The following CORO1C variants were observed in gnomAD, a reference collection of about 807,000 sequenced individuals.
CORO1C encodes coronin-1C.
CORO1C carries 14 observed loss-of-function variants against 51.2 expected under a neutral mutation model. The ratio of observed to expected loss-of-function variants is 0.27; its 90% confidence interval spans 0.18 to 0.43. CORO1C has a LOEUF of 0.43. CORO1C is among the 20% of genes least tolerant of loss of function. The pLI, the probability that CORO1C is intolerant of heterozygous loss-of-function variation, is 1.00. For missense variants in CORO1C, 417 were observed against 607.8 expected (o/e 0.69, Z 3.30); for synonymous variants, 181 against 210.5 (o/e 0.86, Z 1.21).
rs2034859821 is a variant in CORO1C, at chr12:108,701,249, A to G, written c.70T>C (p.Tyr24His). 6.2e-7 allele frequency: 1 copy of G among 1,614,204 alleles called. No homozygotes were observed. Among genetic ancestry groups the G allele is most frequent in the Non-Finnish European group, 8.5e-7 (1 of 1,180,016 alleles). ...FGQAVKNDQC[Y>H]DDIRVSRVTW... ...ACACGAGAAACCCGGATGTCATCAT[A>G]GCACTGGTCATTTTTCACCGCTTGC... Residue 24 changes from tyrosine (Y) to histidine (H), a missense_variant, in exon 2 of 11, where the codon TAT becomes CAT. Coordinates refer to ENST00000261401, the MANE Select transcript of CORO1C (RefSeq NM_014325.4).
intron 2 of CORO1C, among the ~76,000 whole-genome samples, chr12:108,685,136 G>A (rs2034253745): frequency 1.3e-5 from 2 of 152,234 alleles, no homozygotes; most frequent in Non-Finnish European, 2.9e-5. Flanking sequence ...ATACTAAGAA[G>A]CTTCTTACTA....
chr12:108,668,526 C>A (rs2033584724), intron 3 of CORO1C: 1 of 152,080 alleles, frequency 6.6e-6, no homozygotes, highest in South Asian at 2.1e-4. Context: ...CCAAAAAAAA[C>A]TATATTAGGA....
rs556244041 is a variant in CORO1C, at chr12:108,645,832, C to T, written c.*1571G>A. 1.1e-3 allele frequency: 171 copies of T among 152,366 alleles called. 2 individuals are homozygous for T. Among genetic ancestry groups the T allele is most frequent in the African/African-American group, 3.7e-3 (155 of 41,584 alleles). 9.4% of individuals were successfully genotyped at this position (152,366 alleles called of 1,614,324 possible). A position where few individuals can be genotyped will look rare whatever the true frequency, so the allele number is the denominator to read the frequency against. ...GTGGTCCCAATGGCACTACACATTTCACGTTCAATCACAGACAGCCCTTCC... is the reference window on the plus strand; with the variant it reads ...GTGGTCCCAATGGCACTACACATTTTACGTTCAATCACAGACAGCCCTTCC... On this transcript the variant is annotated 3_prime_UTR_variant, in exon 11 of 11. Transcript: ENST00000261401.
chr12:108,701,472 CT>C, intron 1 of CORO1C, 149 bp from the exon 2 acceptor site: 1 of 1,262,100 alleles, frequency 7.9e-7, no homozygotes. Flanking sequence ...ATCCAAATTT[CT>C]TTTAGCAGCA....
At position 108,645,164 on chromosome 12, in the gene CORO1C, A is replaced by G. The variant is rs556543903; in HGVS notation, c.*2239T>C. ...ATGGAAGCAAGTGTTTTGACAGAAC[A>G]CTATGGCCACTCTATAAGAGCCGAC... On this transcript the variant is annotated 3_prime_UTR_variant, in exon 11 of 11. Coordinates refer to ENST00000261401, the MANE Select transcript of CORO1C (RefSeq NM_014325.4). 3 of 151,396 alleles carry G rather than the reference A, an allele frequency of 2.0e-5. No individual in the cohort carries two copies. In the East Asian group the frequency reaches 5.8e-4, roughly 29 times the overall value. The allele number at this position is 151,396 out of a possible 1,614,324, so 9.4% of individuals were successfully genotyped here. A position where few individuals can be genotyped will look rare whatever the true frequency, so the allele number is the denominator to read the frequency against.
chr12:108,682,187 A>C (rs1026342072), intron 2 of CORO1C, among the ~76,000 whole-genome samples: 1 of 152,134 alleles, frequency 6.6e-6, no homozygotes, highest in African/African-American at 2.4e-5. Flanking sequence ...AAATTTTTTA[A>C]GAAAAAAAAG....
intron 1 of CORO1C, among the ~76,000 whole-genome samples, chr12:108,729,278 T>A (rs921466184): frequency 6.6e-5 from 10 of 152,198 alleles, no homozygotes; most frequent in African/African-American, 2.4e-4. Context: ...TGACACCGAA[T>A]CTAATCCTAA....
At position 108,666,574 on chromosome 12, in the gene CORO1C, G is replaced by A. The variant is rs551133966; in HGVS notation, c.319-4416C>T. Among the ~76,000 whole-genome samples, 11 of 152,228 alleles carry A rather than the reference G, an allele frequency of 7.2e-5. No individual in the cohort carries two copies. In the South Asian group the frequency reaches 8.3e-4, roughly 11 times the overall value. ...TGCTACTCTGGGTGATGGCCTGCTCGGTTTGGACTGATGTTCCTGCAGCTC... is the reference window on the plus strand; with the variant it reads ...TGCTACTCTGGGTGATGGCCTGCTCAGTTTGGACTGATGTTCCTGCAGCTC... On this transcript the variant is annotated intron_variant, in intron 3 of 10. Coordinates refer to ENST00000261401, the MANE Select transcript of CORO1C (RefSeq NM_014325.4).
chr12:108,681,393 C>A (rs1168146623), intron 2 of CORO1C, among the ~76,000 whole-genome samples: 14 of 152,186 alleles, frequency 9.2e-5, no homozygotes, highest in Admixed American at 6.5e-5. Flanking sequence ...AAAACAAATT[C>A]TTATCTATTC....
rs73406593 is a variant in CORO1C at position 108,687,804 on chromosome 12, A to G, written c.196-9410T>C. ...TCTCAATAATAATAATAACAATTTA[A>G]TTAAAATTAAAAAAAGAAAAAAGAA... On this transcript the variant is annotated intron_variant, in intron 2 of 10. Transcript: ENST00000261401. Among the ~76,000 whole-genome samples the G allele has an allele frequency of 5.8e-3, 879 of 152,204 alleles. 8 individuals are homozygous for G. The highest frequency in any genetic ancestry group is 0.02 in the African/African-American group (829 of 41,516).
intron 6 of CORO1C, 48 bp downstream of exon 6, chr12:108,657,254 CAG>C (rs2033066561): frequency 1.3e-6 from 2 of 1,595,582 alleles, no homozygotes; most frequent in Admixed American, 1.7e-5. Flanking sequence ...CTGCTCAGAA[CAG>C]AGAGAAAGCT....
At chr12:108,666,850 C>T (rs56364122) in intron 3 of CORO1C, among the ~76,000 whole-genome samples, 84,974 of 151,860 alleles carry the variant, frequency 0.56, 24,592 homozygotes, top group East Asian at 0.99. Context: ...CCCAAAGCAC[C>T]ACCCTAATAG....
chr12:108,697,690 C>T (rs774928614), intron 2 of CORO1C, among the ~76,000 whole-genome samples: 15 of 152,184 alleles, frequency 9.9e-5, no homozygotes, highest in East Asian at 7.7e-4. Context: ...ATTTCTTCTT[C>T]GAGGCTGTAC....
At chr12:108,683,207 T>C (rs1592897769) in intron 2 of CORO1C, among the ~76,000 whole-genome samples, 1 of 151,946 alleles carries the variant, frequency 6.6e-6, no homozygotes, top group African/African-American at 2.4e-5. Context: ...ATCATGAGGT[T>C]AGGAGTTCGG....
intron 1 of CORO1C, among the ~76,000 whole-genome samples, chr12:108,711,146 A>G (rs1463449876): frequency 6.6e-6 from 1 of 152,028 alleles, no homozygotes; most frequent in Non-Finnish European, 1.5e-5. Context: ...GAGGATGACT[A>G]GAGTCCAGGA....
In CORO1C at chr12:108,647,445, A is replaced by C; in HGVS notation, c.1383T>G (p.Arg461=). The change falls in exon 11 of 11, where the codon CGT becomes CGG. Residue 461 remains arginine, a synonymous_variant. Coordinates refer to ENST00000261401, the MANE Select transcript of CORO1C (RefSeq NM_014325.4). ...IKDTICNQDE[R]ISKLEQQMAK... ...CCATCTGCTGTTCTAACTTGGAAAT[A>C]CGCTCATCTTGATTGCAGATTGTGT... The C allele has an allele frequency of 6.2e-7, 1 of 1,613,554 alleles. No homozygotes were observed. The highest frequency in any genetic ancestry group is 8.5e-7 in the Non-Finnish European group (1 of 1,179,522).
At position 108,731,052 on chromosome 12, in the gene CORO1C, G is replaced by C. The variant is rs934214199; in HGVS notation, c.-6+377C>G. ...CCTTCCCTCCCAGCACCTCGCCCAA[G>C]CAGGCGATCCCTGACCCCTAAAAGC... is the stretch of plus-strand genomic sequence containing the variant. On this transcript the variant is annotated intron_variant, in intron 1 of 10. Coordinates refer to ENST00000261401, the MANE Select transcript of CORO1C (RefSeq NM_014325.4). The surrounding 1 kb of genome is among the most constrained non-coding windows in gnomAD (Gnocchi z 5.2). 1 of 153,206 alleles carries C rather than the reference G, an allele frequency of 6.5e-6. No homozygotes were observed. The highest frequency in any genetic ancestry group is 2.4e-5 in the African/African-American group (1 of 41,408). The allele number at this position is 153,206 out of a possible 1,614,324, so 9.5% of individuals were successfully genotyped here.
At chr12:108,656,305 C>A (rs1289160431) in intron 6 of CORO1C, among the ~76,000 whole-genome samples, 2 of 45,012 alleles carry the variant, frequency 4.4e-5, no homozygotes, top group African/African-American at 7.6e-5. Flanking sequence ...TCAGCCCCCG[C>A]CCGGCCAGCC....
intron 2 of CORO1C, among the ~76,000 whole-genome samples, chr12:108,682,220 G>C (rs1022144592): frequency 6.6e-5 from 10 of 151,916 alleles, no homozygotes; most frequent in South Asian, 4.2e-4. Context: ...AAAGCACAAA[G>C]ATGGTGGAAA....
Sources: gnomAD v4.1 joint callset for allele counts (sites outside exome capture counted in the v4.1 genomes callset) on GRCh38, gnomAD v4.1.1 for gene constraint, Gnocchi (gnomAD v3.1) non-coding constraint, MANE v1.5 for transcripts, NCBI Gene and HGNC (gene_info 2026-07-23, HGNC 2026-07-21) for gene names.